ANKS1B: variants seen among roughly 807,000 people sequenced by gnomAD.
ANKS1B encodes the protein ankyrin repeat and sterile alpha motif domain-containing protein 1B.
A neutral mutation model predicts 148.3 loss-of-function variants in ANKS1B; 36 were observed. The observed-to-expected ratio is 0.24, with a 90% confidence interval of 0.19 to 0.32. The LOEUF is 0.32. ANKS1B is among the 10% of genes least tolerant of loss of function. ANKS1B has a pLI of 1.00. For synonymous variants in ANKS1B, 542 were observed against 560.8 expected, an observed-to-expected ratio of 0.97 and a Z score of 0.47; for missense variants, 1,157 against 1,542.6, an observed-to-expected ratio of 0.75 and a Z score of 4.19.
At position 99,115,534 on chromosome 12, in the gene ANKS1B, T is replaced by C. The variant is rs142448035; in HGVS notation, c.2527-30511A>G. On this transcript the variant is annotated intron_variant, in intron 15 of 26. Coordinates refer to ENST00000683438, the MANE Select transcript of ANKS1B (RefSeq NM_001352186.2). ...ACTATTGGGTACTAGGCTTAGTACCTGGGTGACAAAATAATCTGTACAACA... is the reference window on the plus strand; with the variant it reads ...ACTATTGGGTACTAGGCTTAGTACCCGGGTGACAAAATAATCTGTACAACA... 4.1e-3 allele frequency among the ~76,000 whole-genome samples: 620 copies of C among 152,246 alleles called. 25 individuals carry two copies. In the East Asian group the frequency reaches 0.085, roughly 21 times the overall value.
intron 10 of ANKS1B, among the ~76,000 whole-genome samples, chr12:99,473,563 T>A (rs1222462340): frequency 6.6e-6 from 1 of 152,026 alleles, no homozygotes; most frequent in Non-Finnish European, 1.5e-5. Context: ...CCTATGAGAA[T>A]TCCTGTTTTT....
chr12:99,464,076 T>C lies in ANKS1B; in HGVS notation c.1439-20267A>G, dbSNP rs148019706. On this transcript the variant is annotated intron_variant, in intron 10 of 26. Coordinates refer to ENST00000683438, the MANE Select transcript of ANKS1B (RefSeq NM_001352186.2). The stretch of plus-strand genomic sequence containing the variant: ...CAGACTGATACCTCACATGGCCGGG[T>C]ACTCCTCTGAGACAAAACTTCCAGA... Among the ~76,000 whole-genome samples the C allele has an allele frequency of 9.8e-3, 1,485 of 152,216 alleles. 14 individuals are homozygous for C. Among genetic ancestry groups the C allele is most frequent in the Middle Eastern group, 0.031 (9 of 294 alleles).
chr12:99,494,377 A>G (rs749463790), intron 10 of ANKS1B, among the ~76,000 whole-genome samples: 2 of 152,178 alleles, frequency 1.3e-5, no homozygotes, highest in Non-Finnish European at 2.9e-5. Context: ...TTTATTGTTT[A>G]GTTGTTTTTG....
intron 17 of ANKS1B, among the ~76,000 whole-genome samples, chr12:98,982,948 A>G (rs2099914298): frequency 6.6e-6 from 1 of 152,240 alleles, no homozygotes; most frequent in Middle Eastern, 3.2e-3. Context: ...TTAGTAGATT[A>G]TGCCAAATTG....
chr12:98,777,436 C>A (rs1254491881), intron 24 of ANKS1B, among the ~76,000 whole-genome samples: 1 of 152,162 alleles, frequency 6.6e-6, no homozygotes, highest in Non-Finnish European at 1.5e-5. Flanking sequence ...AGGCAAAATG[C>A]AACCTGCTCC....
intron 9 of ANKS1B, among the ~76,000 whole-genome samples, chr12:99,614,926 C>A (rs987052241): frequency 1.3e-5 from 2 of 149,948 alleles, no homozygotes; most frequent in South Asian, 4.3e-4. Flanking sequence ...TAAGGTTTTT[C>A]CAGTCTAGAA....
intron 11 of ANKS1B, among the ~76,000 whole-genome samples, chr12:99,402,479 C>T (rs1163493727): frequency 2.7e-5 from 4 of 145,640 alleles, no homozygotes; most frequent in African/African-American, 1.0e-4. Context: ...CCACCCTCCA[C>T]CATCTGATAG....
intron 17 of ANKS1B, among the ~76,000 whole-genome samples, chr12:99,022,574 C>T (rs951235313): frequency 2.0e-5 from 3 of 152,098 alleles, no homozygotes; most frequent in Admixed American, 1.3e-4. Flanking sequence ...ACTTCCCCGC[C>T]GTGTCACCTA....
intron 8 of ANKS1B, among the ~76,000 whole-genome samples, chr12:99,712,288 G>A (rs2056748669): frequency 2.0e-5 from 3 of 152,158 alleles, no homozygotes; most frequent in Admixed American, 2.0e-4. Context: ...ATGATAGGCT[G>A]AATAATAGCC....
At chr12:99,250,871 T>A (rs1224836512) in intron 12 of ANKS1B, among the ~76,000 whole-genome samples, 1 of 152,190 alleles carries the variant, frequency 6.6e-6, no homozygotes, top group Non-Finnish European at 1.5e-5. Flanking sequence ...TGGGCTGATA[T>A]AACAAAATTT....
At chr12:99,682,911 T>C (rs1297173447) in intron 8 of ANKS1B, among the ~76,000 whole-genome samples, 2 of 151,796 alleles carry the variant, frequency 1.3e-5, no homozygotes, top group South Asian at 2.1e-4. Flanking sequence ...TACCCGAGAA[T>C]GGGTAATTTA....
chr12:99,293,338 C>T (rs2080322014), intron 12 of ANKS1B, among the ~76,000 whole-genome samples: 2 of 148,046 alleles, frequency 1.4e-5, no homozygotes, highest in South Asian at 4.3e-4. Flanking sequence ...ACATCACACA[C>T]TGGGGCCTGT....
chr12:99,113,258 A>T lies in ANKS1B; in HGVS notation c.2527-28235T>A, dbSNP rs148258885. Among the ~76,000 whole-genome samples the T allele has an allele frequency of 4.9e-4, 74 of 152,278 alleles. 3 individuals are homozygous for T. The South Asian group carries it at 0.014, about 29-fold the overall frequency. On this transcript the variant is annotated intron_variant, in intron 15 of 26. Coordinates refer to ENST00000683438, the MANE Select transcript of ANKS1B (RefSeq NM_001352186.2). ...TAACGTGTCCTCAATGAAACTCAGTATCTGACCTGAACGAATGGGAAGTGG... is the reference window on the plus strand; with the variant it reads ...TAACGTGTCCTCAATGAAACTCAGTTTCTGACCTGAACGAATGGGAAGTGG...
At chr12:98,777,052 G>T (rs1028183651) in intron 24 of ANKS1B, among the ~76,000 whole-genome samples, 1 of 152,162 alleles carries the variant, frequency 6.6e-6, no homozygotes, top group African/African-American at 2.4e-5. Context: ...AATTAGCCAG[G>T]CTTGGTGGTG....
Position 98,807,863 on chromosome 12 carries a change from G to A in ANKS1B, c.3122C>T (p.Ala1041Val), listed in dbSNP as rs766917785. 5 of 1,613,222 alleles carry A rather than the reference G, an allele frequency of 3.1e-6. No individual in the cohort carries two copies. Among genetic ancestry groups the A allele is most frequent in the African/African-American group, 1.3e-5 (1 of 74,994 alleles). Reference sequence around the variant, plus strand: ...CCTTACATTATGAACCTGATGGATCGCTGAGAAAGGAAATCCTGCGTTCTG... The same window carrying A: ...CCTTACATTATGAACCTGATGGATCACTGAGAAAGGAAATCCTGCGTTCTG... ...TNQNAGFPFS[A>V]IHQVHNTGDW... Residue 1041 changes from alanine (A) to valine (V), a missense_variant, in exon 20 of 27, where the codon GCG (alanine) becomes GTG (valine). Transcript: ENST00000683438.
chr12:99,743,641 G>A (rs1221008675), intron 8 of ANKS1B, among the ~76,000 whole-genome samples: 1 of 152,104 alleles, frequency 6.6e-6, no homozygotes, highest in Admixed American at 6.5e-5. Context: ...TTATTCTGCG[G>A]TTTTCTATTC....
At chr12:99,262,280 G>T (rs1393345718) in intron 12 of ANKS1B, among the ~76,000 whole-genome samples, 1 of 151,934 alleles carries the variant, frequency 6.6e-6, no homozygotes, top group Non-Finnish European at 1.5e-5. Context: ...ATCTTAGGAG[G>T]AGAGACATTT....
chr12:99,648,656 AC>A (rs1396964302), intron 9 of ANKS1B: 12 of 1,614,012 alleles, frequency 7.4e-6, no homozygotes, highest in Non-Finnish European at 1.0e-5. Context: ...GCAAGTGAAG[AC>A]CTTTTTGTTC....
At chr12:99,893,031 C>T (rs1041277451) in intron 1 of ANKS1B, among the ~76,000 whole-genome samples, 1 of 152,116 alleles carries the variant, frequency 6.6e-6, no homozygotes, top group African/African-American at 2.4e-5. Flanking sequence ...ACAGAGTTCG[C>T]ACTAGCTTTA....
Sources: allele counts gnomAD v4.1 joint callset (sites outside exome capture counted in the v4.1 genomes callset), GRCh38; gene constraint gnomAD v4.1.1; transcripts MANE v1.5; gene names NCBI Gene and HGNC (gene_info 2026-07-23, HGNC 2026-07-21).